The following KCNH1 variants were observed in gnomAD, a reference collection of about 807,000 sequenced individuals.
KCNH1 encodes the protein potassium voltage-gated channel subfamily H member 1.
A neutral mutation model predicts 69.2 loss-of-function variants in KCNH1; 27 were observed. The ratio of observed to expected loss-of-function variants is 0.39; its 90% CI spans 0.29 to 0.54. KCNH1 has a LOEUF of 0.54. Among genes scored for constraint, KCNH1 ranks in the 20% least tolerant of loss-of-function variants. The probability of loss-of-function intolerance (pLI) is 0.68; values close to 1 mark genes in which losing one functional copy is unlikely to be tolerated. For missense variants in KCNH1, 798 were observed against 1,261.6 expected, an observed-to-expected ratio of 0.63 and a Z score of 5.57; for synonymous variants, 456 against 487.7, an observed-to-expected ratio of 0.93 and a Z score of 0.86.
At chr1:210,944,477 C>T (rs1453027095) in intron 6 of KCNH1, among the ~76,000 whole-genome samples, 1 of 152,200 alleles carries the variant, frequency 6.6e-6, no homozygotes, top group Non-Finnish European at 1.5e-5. Context: ...ACTGCCATAT[C>T]TAAATGGAGA....
intron 6 of KCNH1, among the ~76,000 whole-genome samples, chr1:210,983,236 T>C (rs931610035): frequency 6.6e-6 from 1 of 152,224 alleles, no homozygotes; most frequent in African/African-American, 2.4e-5. Flanking sequence ...TTCACTCTGA[T>C]GGTAGTTTCT....
rs1485923688 is a variant in KCNH1, at chr1:210,681,387, AC to A, written c.*1893del. The stretch of plus-strand genomic sequence containing the variant: ...TGAGGCTAAATCTAATTATGTCGCA[AC>A]CTGGAGAAGCCAGGGGCAGCCCCTG... On this transcript the variant is annotated 3_prime_UTR_variant, in exon 11 of 11. Transcript: ENST00000271751. 6.6e-6 allele frequency: 1 copy of A among 152,244 alleles called. No homozygotes were observed. Among genetic ancestry groups the A allele is most frequent in the Admixed American group, 6.5e-5 (1 of 15,284 alleles). 9.4% of individuals were successfully genotyped at this position (152,244 alleles called of 1,614,324 possible).
chr1:211,047,980 A>C (rs1690123554), intron 5 of KCNH1, among the ~76,000 whole-genome samples: 1 of 152,176 alleles, frequency 6.6e-6, no homozygotes, highest in Non-Finnish European at 1.5e-5. Context: ...TGTGAAAAAA[A>C]TGAAAACATA....
At chr1:210,967,029 G>A (rs571714241) in intron 6 of KCNH1, among the ~76,000 whole-genome samples, 12 of 151,848 alleles carry the variant, frequency 7.9e-5, no homozygotes, top group Non-Finnish European at 1.5e-4. Flanking sequence ...GGAATATTAT[G>A]CAGCCATAAA....
intron 10 of KCNH1, among the ~76,000 whole-genome samples, chr1:210,696,291 G>GTAA (rs1192936215): frequency 6.6e-6 from 1 of 152,144 alleles, no homozygotes; most frequent in African/African-American, 2.4e-5. Flanking sequence ...CTAGGTTTTG[G>GTAA]TAATACTGCC....
chr1:210,945,353 A>T (rs766697151), intron 6 of KCNH1, among the ~76,000 whole-genome samples: 1 of 152,206 alleles, frequency 6.6e-6, no homozygotes, highest in Non-Finnish European at 1.5e-5. Context: ...TTTAATTCTC[A>T]TGATTCCTGT....
At chr1:210,767,393 G>A (rs991323689) in intron 10 of KCNH1, among the ~76,000 whole-genome samples, 2 of 152,176 alleles carry the variant, frequency 1.3e-5, no homozygotes, top group South Asian at 2.1e-4. Flanking sequence ...TGAGGACCAG[G>A]TGATAGTGAT....
chr1:210,887,537 CA>C (rs1414458328), intron 7 of KCNH1, among the ~76,000 whole-genome samples: 2 of 152,098 alleles, frequency 1.3e-5, no homozygotes, highest in Non-Finnish European at 2.9e-5. Flanking sequence ...CAAATTCACA[CA>C]TAACCATATT....
chr1:210,814,415 T>C (rs759215054), intron 7 of KCNH1, among the ~76,000 whole-genome samples: 10 of 152,140 alleles, frequency 6.6e-5, no homozygotes, highest in Admixed American at 1.3e-4. Flanking sequence ...ACTAAAGAAT[T>C]TTCTCTAAAG....
chr1:210,879,226 T>C (rs578168584), intron 7 of KCNH1, among the ~76,000 whole-genome samples: 32 of 152,152 alleles, frequency 2.1e-4, no homozygotes, highest in African/African-American at 7.5e-4. Flanking sequence ...TATGATCGCT[T>C]TCAAAATATA....
At chr1:211,042,647 C>A (rs781571914) in intron 5 of KCNH1, among the ~76,000 whole-genome samples, 16 of 152,120 alleles carry the variant, frequency 1.1e-4, no homozygotes, top group Non-Finnish European at 2.4e-4. Flanking sequence ...AACATTCTAC[C>A]CAACAACCAC....
chr1:211,103,096 C>T (rs550116489), intron 3 of KCNH1, among the ~76,000 whole-genome samples: 2 of 152,204 alleles, frequency 1.3e-5, no homozygotes, highest in Non-Finnish European at 2.9e-5. Context: ...ATTAGGCACC[C>T]ACTGTGTTAC....
At chr1:210,959,882 C>A (rs940920408) in intron 6 of KCNH1, among the ~76,000 whole-genome samples, 1 of 152,218 alleles carries the variant, frequency 6.6e-6, no homozygotes, top group Non-Finnish European at 1.5e-5. Context: ...CAATGCCCCG[C>A]CCTGCTTCAG....
At chr1:211,043,338 T>C (rs1405945819) in intron 5 of KCNH1, among the ~76,000 whole-genome samples, 2 of 151,968 alleles carry the variant, frequency 1.3e-5, no homozygotes, top group African/African-American at 2.4e-5. Flanking sequence ...TTTACACACA[T>C]AAACTAGAAA....
chr1:210,901,043 A>G (rs1343265101), intron 7 of KCNH1, among the ~76,000 whole-genome samples: 1 of 152,090 alleles, frequency 6.6e-6, no homozygotes, highest in South Asian at 2.1e-4. Flanking sequence ...TTCTAGATCT[A>G]TATCTCTGAC....
rs1558618481 is a variant in KCNH1, at chr1:211,133,740, C to G, written c.79+127G>C. 1.2e-6 allele frequency: 1 copy of G among 846,356 alleles called. No homozygotes were observed. The highest frequency in any genetic ancestry group is 1.9e-6 in the Non-Finnish European group (1 of 529,238). The allele number at this position is 846,356 out of a possible 1,614,324, so 52.4% of individuals were successfully genotyped here. ...GCCTCGGGGAGGCTGCCCTGGGTGC[C>G]CGCGCCGCGGCTCCTTAGCAGAGCT... On this transcript the variant is annotated intron_variant, in intron 1 of 10. Coordinates refer to ENST00000271751, the MANE Select transcript of KCNH1 (RefSeq NM_172362.3). The surrounding 1 kb of genome is among the most constrained non-coding windows in gnomAD (Gnocchi z 5.4).
chr1:210,862,221 G>A, intron 7 of KCNH1: 1 of 1,175,062 alleles, frequency 8.5e-7, no homozygotes, highest in Non-Finnish European at 1.3e-6. Context: ...GGCGCTCCAT[G>A]GCCTCTTGCA....
intron 6 of KCNH1, among the ~76,000 whole-genome samples, chr1:210,977,445 T>TA (rs56957311): frequency 3.7e-4 from 54 of 146,490 alleles, no homozygotes; most frequent in South Asian, 2.6e-3. Context: ...AAGTATAATT[T>TA]AAAAAAAAAA....
intron 10 of KCNH1, among the ~76,000 whole-genome samples, chr1:210,691,304 C>T (rs1005431596): frequency 1.3e-5 from 2 of 152,172 alleles, no homozygotes; most frequent in African/African-American, 2.4e-5. Flanking sequence ...CTTTGTGGGG[C>T]AGTCCTGGTG....
Sources: gnomAD v4.1 joint callset for allele counts (sites outside exome capture counted in the v4.1 genomes callset) on GRCh38, gnomAD v4.1.1 for gene constraint, Gnocchi (gnomAD v3.1) non-coding constraint, MANE v1.5 for transcripts, NCBI Gene and HGNC (gene_info 2026-07-23, HGNC 2026-07-21) for gene names.